IFT140: variants seen among roughly 807,000 people sequenced by gnomAD.
IFT140 encodes intraflagellar transport 140, also known as intraflagellar transport protein 140 homolog.
IFT140 carries 133 observed loss-of-function variants against 164.6 expected under a neutral mutation model. The observed-to-expected ratio is 0.81, with a 90% confidence interval of 0.70 to 0.93. The LOEUF (loss-of-function observed/expected upper bound fraction) is 0.93, where lower values mean the gene tolerates loss of function less well. Ranked by LOEUF, IFT140 falls within the 40% of genes least tolerant of loss-of-function variation. IFT140 has a pLI of 0.00. For synonymous variants in IFT140, 860 were observed against 817.3 expected, an observed-to-expected ratio of 1.05 and a Z score of -0.89; for missense variants, 2,045 against 1,972.3, an observed-to-expected ratio of 1.04 and a Z score of -0.70.
chr16:1,548,636 T>C (rs2032373708), intron 19 of IFT140, among the ~76,000 whole-genome samples: 2 of 152,084 alleles, frequency 1.3e-5, no homozygotes, highest in African/African-American at 4.8e-5. Flanking sequence ...GGAATCTTAA[T>C]ATAAAGATGG....
intron 19 of IFT140, chr16:1,527,040 G>A (rs1567332229): frequency 1.9e-6 from 1 of 525,508 alleles, no homozygotes. Context: ...AAAGACAGAA[G>A]GATCTCTTAT....
chr16:1,550,049 G>A (rs1057079833), intron 19 of IFT140, among the ~76,000 whole-genome samples: 3 of 151,910 alleles, frequency 2.0e-5, no homozygotes, highest in African/African-American at 7.3e-5. Flanking sequence ...TCGACCTCCT[G>A]GGCTCAGCCT....
chr16:1,534,515 C>A (rs369463643), intron 19 of IFT140: 1 of 1,607,250 alleles, frequency 6.2e-7, no homozygotes. Flanking sequence ...GCTGGGGCTC[C>A]GAGGCAGCCG....
intron 18 of IFT140, among the ~76,000 whole-genome samples, chr16:1,559,206 G>A (rs947056042): frequency 5.9e-5 from 9 of 152,198 alleles, no homozygotes; most frequent in Admixed American, 2.0e-4. Flanking sequence ...AAACGTACAC[G>A]CACAAAAACA....
In IFT140 at chr16:1,602,512, A is replaced by C. The variant is rs2035847113; in HGVS notation, c.227T>G (p.Leu76Arg). The C allele has an allele frequency of 6.2e-7, 1 of 1,614,066 alleles. No homozygotes were observed. The stretch of plus-strand genomic sequence containing the variant: ...TTCTCCAGTCTCCCAGCCCACAGCC[A>C]GCACCAGCCGCGTCGGGTGCCAGCA... ...SLCWHPTRLV[L>R]AVGWETGEVT... The change falls in exon 4 of 31, where the codon CTG becomes CGG. Residue 76 changes from leucine to arginine, a missense_variant. Transcript: ENST00000426508.
Position 1,554,965 on chromosome 16 carries a change from G to A in IFT140, c.2399+2970C>T, listed in dbSNP as rs867272860. The A allele has an allele frequency of 2.8e-5, 45 of 1,613,752 alleles. No homozygotes were observed. The Admixed American group carries it at 5.8e-4, about 21-fold the overall frequency. On this transcript the variant is annotated intron_variant, in intron 19 of 30. Coordinates refer to ENST00000426508, the MANE Select transcript of IFT140 (RefSeq NM_014714.4). ...GCCCCCCGGGTGATTGTCATCAGCC[G>A]CTCCCTGACAGCGCGCTTTCGCCGT...
At chr16:1,555,999 G>C (rs1395549517) in intron 19 of IFT140, among the ~76,000 whole-genome samples, 1 of 152,172 alleles carries the variant, frequency 6.6e-6, no homozygotes, top group Non-Finnish European at 1.5e-5. Flanking sequence ...CCAGCTGCTC[G>C]GGAGGCTGAG....
chr16:1,561,375 A>G (rs1022342016), intron 18 of IFT140, among the ~76,000 whole-genome samples: 1 of 152,202 alleles, frequency 6.6e-6, no homozygotes, highest in Non-Finnish European at 1.5e-5. Context: ...AAAAGAACCT[A>G]CTGGGGTGTG....
At chr16:1,566,493 G>A (rs576997435) in intron 15 of IFT140, among the ~76,000 whole-genome samples, 6 of 152,244 alleles carry the variant, frequency 3.9e-5, no homozygotes, top group Admixed American at 6.5e-5. Context: ...ACAGGGTCTC[G>A]CTCTGTTGCC....
chr16:1,556,210 G>A (rs560744281), intron 19 of IFT140, among the ~76,000 whole-genome samples: 2 of 152,378 alleles, frequency 1.3e-5, no homozygotes, highest in East Asian at 3.9e-4. Flanking sequence ...ACAACCCCGT[G>A]TCCTAAATCT....
In IFT140 at chr16:1,587,409, CAT is replaced by C. The variant is rs932552830; in HGVS notation, c.903-107_903-106del. The C allele has an allele frequency of 8.4e-6, 6 of 711,244 alleles. No homozygotes were observed. The Admixed American group carries it at 1.1e-4, about 13-fold the overall frequency. The allele number at this position is 711,244 out of a possible 1,614,324, so 44.1% of individuals were successfully genotyped here. A position where few individuals can be genotyped will look rare whatever the true frequency, so the allele number is the denominator to read the frequency against. On this transcript the variant is annotated intron_variant, in intron 8 of 30. Coordinates refer to ENST00000426508, the MANE Select transcript of IFT140 (RefSeq NM_014714.4). ...CAAACATTAAAAGTCAGGAAAAAGA[CAT>C]AGTTCATCAGACTCCTGATATGAAA...
intron 13 of IFT140, among the ~76,000 whole-genome samples, chr16:1,572,625 G>A (rs558198912): frequency 1.3e-5 from 2 of 152,296 alleles, no homozygotes; most frequent in African/African-American, 4.8e-5. Flanking sequence ...CAGCCTGGGC[G>A]ACAGAGCAAG....
At chr16:1,590,395 T>TA (rs1596429918) in intron 6 of IFT140, among the ~76,000 whole-genome samples, 1 of 151,886 alleles carries the variant, frequency 6.6e-6, no homozygotes, top group East Asian at 1.9e-4. Flanking sequence ...GTCCACCTCA[T>TA]ACCCTCCACA....
intron 18 of IFT140, among the ~76,000 whole-genome samples, chr16:1,560,506 C>T (rs932013598): frequency 2.0e-5 from 3 of 152,256 alleles, no homozygotes; most frequent in African/African-American, 4.8e-5. Flanking sequence ...CCACCACCAC[C>T]GTGTCCTTTA....
chr16:1,580,674 G>T, intron 13 of IFT140, 85 bp downstream of exon 13: 1 of 900,130 alleles, frequency 1.1e-6, no homozygotes, highest in South Asian at 1.4e-5. Flanking sequence ...AACCTTAGGT[G>T]AAATCAATAA....
intron 30 of IFT140, among the ~76,000 whole-genome samples, chr16:1,512,154 AGGGGTGGTGG>A (rs2141097994): frequency 1.3e-5 from 1 of 79,348 alleles, no homozygotes; most frequent in Non-Finnish European, 2.4e-5. Context: ...TAGGTGGGTG[AGGGGTGGTGG>A]GGGGCAGGAT....
At position 1,534,695 on chromosome 16, in the gene IFT140, AG is replaced by A. The variant is rs549940723; in HGVS notation, c.2400-7900del. 35 of 1,269,952 alleles carry A rather than the reference AG, an allele frequency of 2.8e-5. No homozygotes were observed. In the African/African-American group the frequency reaches 5.1e-4, roughly 19 times the overall value. The allele number at this position is 1,269,952 out of a possible 1,614,324, so 78.7% of individuals were successfully genotyped here. A position where few individuals can be genotyped will look rare whatever the true frequency, so the allele number is the denominator to read the frequency against. ...TGAGCGTGGCCTCTGGGCAGGCAGGAGGGGGCACTGTGTCTCCCAGGGAACC... is the reference window on the plus strand; with the variant it reads ...TGAGCGTGGCCTCTGGGCAGGCAGGAGGGGCACTGTGTCTCCCAGGGAACC... On this transcript the variant is annotated intron_variant, in intron 19 of 30. Coordinates refer to ENST00000426508, the MANE Select transcript of IFT140 (RefSeq NM_014714.4).
At chr16:1,513,738 A>G (rs1286112733) in intron 30 of IFT140, among the ~76,000 whole-genome samples, 1 of 147,224 alleles carries the variant, frequency 6.8e-6, no homozygotes, top group Non-Finnish European at 1.5e-5. Context: ...CAGTGGTGCG[A>G]TCTCTGCTCA....
In IFT140 at chr16:1,524,640, C is replaced by T. The variant is rs761615924; in HGVS notation, c.3053G>A (p.Arg1018His). 15 of 1,594,418 alleles carry T rather than the reference C, an allele frequency of 9.4e-6. No homozygotes were observed. Among genetic ancestry groups the T allele is most frequent in the Admixed American group, 1.7e-5 (1 of 58,342 alleles). Residue 1018 changes from arginine to histidine, a missense_variant, in exon 24 of 31, where the codon CGC becomes CAC. Arg to His is a conservative substitution (Grantham distance 29). Coordinates refer to ENST00000426508, the MANE Select transcript of IFT140 (RefSeq NM_014714.4). ...GACCTCCTCCTGGCTCTCGTACTGG[C>T]GGGCGAGGTGGTAGGAGGCCGCCAG... ...GNLAASYHLA[R>H]QYESQEEVGQ... is the part of the protein sequence containing the mutation.
Sources: allele counts gnomAD v4.1 joint callset (sites outside exome capture counted in the v4.1 genomes callset), GRCh38; gene constraint gnomAD v4.1.1; transcripts MANE v1.5; gene names NCBI Gene and HGNC (gene_info 2026-07-23, HGNC 2026-07-21).